The following TMEM132C variants were observed in gnomAD, a reference collection of about 807,000 sequenced individuals.
The protein encoded by TMEM132C is transmembrane protein 132C.
TMEM132C carries 29 observed loss-of-function variants against 61.4 expected under a neutral mutation model. That is an observed-to-expected ratio of 0.47 (90% confidence interval 0.35 to 0.64). TMEM132C has a LOEUF of 0.64. TMEM132C is among the 30% of genes least tolerant of loss of function. TMEM132C has a pLI of 0.00. For missense variants in TMEM132C, 1,408 were observed against 1,476.9 expected (o/e 0.95, Z 0.76); for synonymous variants, 656 against 633.1 (o/e 1.04, Z -0.54).
intron 2 of TMEM132C, among the ~76,000 whole-genome samples, chr12:128,494,094 TC>T (rs1287713793): frequency 8.5e-5 from 13 of 152,246 alleles, no homozygotes; most frequent in Non-Finnish European, 1.9e-4. Context: ...CTTTTCTGCA[TC>T]TATTGAGATA....
At chr12:128,370,988 C>T (rs1331345570) in intron 1 of TMEM132C, among the ~76,000 whole-genome samples, 2 of 152,074 alleles carry the variant, frequency 1.3e-5, no homozygotes, top group East Asian at 3.9e-4. Flanking sequence ...GCCCTTGTGC[C>T]GATAGAAGTG....
chr12:128,649,223 C>A (rs1954242507), intron 4 of TMEM132C, among the ~76,000 whole-genome samples: 1 of 152,174 alleles, frequency 6.6e-6, no homozygotes. Flanking sequence ...CACACTCATG[C>A]AAAGTGCGGT....
chr12:128,347,523 G>T (rs369933867), intron 1 of TMEM132C, among the ~76,000 whole-genome samples: 1 of 151,668 alleles, frequency 6.6e-6, no homozygotes, highest in East Asian at 1.9e-4. Context: ...CTGCCTCCCA[G>T]GTTCAAGTGA....
intron 4 of TMEM132C, among the ~76,000 whole-genome samples, chr12:128,642,045 G>A (rs1454393869): frequency 2.7e-5 from 4 of 150,380 alleles, no homozygotes; most frequent in Non-Finnish European, 5.9e-5. Flanking sequence ...CTGACCTCAA[G>A]TGATCCACCT....
At chr12:128,299,883 G>T (rs1871542237) in intron 1 of TMEM132C, among the ~76,000 whole-genome samples, 1 of 152,160 alleles carries the variant, frequency 6.6e-6, no homozygotes, top group South Asian at 2.1e-4. Flanking sequence ...CACTGAGCTG[G>T]GTAGGCACAT....
At chr12:128,274,425 A>G (rs1870619241) in intron 1 of TMEM132C, among the ~76,000 whole-genome samples, 1 of 152,222 alleles carries the variant, frequency 6.6e-6, no homozygotes, top group Non-Finnish European at 1.5e-5. Flanking sequence ...CATAGAAACA[A>G]CAGCTTAAGT....
chr12:128,641,870 C>T (rs1954160308), intron 4 of TMEM132C, among the ~76,000 whole-genome samples: 1 of 152,118 alleles, frequency 6.6e-6, no homozygotes, highest in African/African-American at 2.4e-5. Context: ...TCTCGACTCA[C>T]TGCAACCTCC....
intron 2 of TMEM132C, among the ~76,000 whole-genome samples, chr12:128,425,467 G>A (rs897925459): frequency 1.3e-5 from 2 of 152,220 alleles, no homozygotes; most frequent in African/African-American, 4.8e-5. Flanking sequence ...ATCGCTTCTC[G>A]ACCACCACTG....
chr12:128,681,711 T>C (rs1026961066), intron 5 of TMEM132C, among the ~76,000 whole-genome samples: 4 of 147,996 alleles, frequency 2.7e-5, no homozygotes, highest in African/African-American at 7.5e-5. Context: ...TGGAGTGCAG[T>C]GGCATGATCT....
chr12:128,360,902 T>C (rs1593024614), intron 1 of TMEM132C, among the ~76,000 whole-genome samples: 1 of 152,186 alleles, frequency 6.6e-6, no homozygotes, highest in East Asian at 1.9e-4. Context: ...TTGTTTCTAT[T>C]TGCTTGCAAG....
chr12:128,498,606 C>T (rs148251348), intron 2 of TMEM132C, among the ~76,000 whole-genome samples: 1,870 of 152,028 alleles, frequency 0.012, 41 homozygotes, highest in African/African-American at 0.039. Flanking sequence ...ACCTGGGAGA[C>T]AGATGTTGCA....
Position 128,663,959 on chromosome 12 carries a change from T to C in TMEM132C, c.1306-5458T>C, listed in dbSNP as rs111205209. On this transcript the variant is annotated intron_variant, in intron 4 of 8. Coordinates refer to ENST00000435159, the MANE Select transcript of TMEM132C (RefSeq NM_001136103.3). The stretch of plus-strand genomic sequence containing the variant: ...GGACACTCACACAGGCACACACACA[T>C]ACAGGCACATGCACCCACACGCACG... Among the ~76,000 whole-genome samples the C allele has an allele frequency of 2.5e-4, 32 of 129,034 alleles. 1 individual carries two copies. The highest frequency in any genetic ancestry group is 9.2e-4 in the Admixed American group (12 of 13,028). The allele number at this position is 129,034 out of a possible 152,430, so 84.7% of individuals were successfully genotyped here. A position where few individuals can be genotyped will look rare whatever the true frequency, so the allele number is the denominator to read the frequency against.
At chr12:128,343,795 A>C (rs576185995) in intron 1 of TMEM132C, among the ~76,000 whole-genome samples, 2 of 152,276 alleles carry the variant, frequency 1.3e-5, no homozygotes, top group Admixed American at 1.3e-4. Flanking sequence ...CCATTATCCA[A>C]TTTCTGTCTC....
At chr12:128,437,923 C>T (rs1869656272) in intron 2 of TMEM132C, 1 of 152,102 alleles carries the variant, frequency 6.6e-6, no homozygotes, top group African/African-American at 2.4e-5. Context: ...ATTGTCTCTT[C>T]AGAGCAATAC....
At position 128,332,398 on chromosome 12, in the gene TMEM132C, TTC is replaced by T. The variant is rs1356806798; in HGVS notation, c.85+64913_85+64914del. Among the ~76,000 whole-genome samples the T allele has an allele frequency of 2.0e-5, 3 of 152,308 alleles. No homozygotes were observed. The East Asian group carries it at 5.8e-4, about 29-fold the overall frequency. ...ATTAATGTTAAGAGCCACATCAGTT[TTC>T]TGTCTTCTGTTTCAAAATTGTTAAC... On this transcript the variant is annotated intron_variant, in intron 1 of 8. Coordinates refer to ENST00000435159, the MANE Select transcript of TMEM132C (RefSeq NM_001136103.3).
intron 2 of TMEM132C, among the ~76,000 whole-genome samples, chr12:128,491,790 T>C (rs1714474964): frequency 4.6e-5 from 7 of 151,380 alleles, no homozygotes; most frequent in Admixed American, 4.6e-4. Context: ...CCTCCAGGAG[T>C]CTGCTTACCC....
At chr12:128,363,115 A>G (rs1290264718) in intron 1 of TMEM132C, among the ~76,000 whole-genome samples, 1 of 152,248 alleles carries the variant, frequency 6.6e-6, no homozygotes, top group African/African-American at 2.4e-5. Context: ...TGACAGTACC[A>G]TCACTCCGTT....
chr12:128,521,396 C>G (rs1332715875), intron 2 of TMEM132C, among the ~76,000 whole-genome samples: 2 of 151,484 alleles, frequency 1.3e-5, no homozygotes, highest in African/African-American at 2.4e-5. Context: ...TTGCTGCACC[C>G]ATCAACTCAT....
chr12:128,341,921 C>T (rs1872987922), intron 1 of TMEM132C, among the ~76,000 whole-genome samples: 1 of 152,112 alleles, frequency 6.6e-6, no homozygotes, highest in Non-Finnish European at 1.5e-5. Context: ...AGTCCACCAC[C>T]CACCCCCTGC....
Sources: allele counts gnomAD v4.1 joint callset (sites outside exome capture counted in the v4.1 genomes callset), GRCh38; gene constraint gnomAD v4.1.1; transcripts MANE v1.5; gene names NCBI Gene and HGNC (gene_info 2026-07-23, HGNC 2026-07-21).